The following OGDH variants were observed in gnomAD, a reference collection of about 807,000 sequenced individuals.
OGDH encodes 2-oxoglutarate dehydrogenase complex component E1.
Under a neutral mutation model 116.6 loss-of-function variants are expected in OGDH, and 38 were observed. That is an observed-to-expected ratio of 0.33 (90% CI 0.25 to 0.43). The LOEUF is 0.43. OGDH is among the 20% of genes least tolerant of loss of function. The pLI, the probability that OGDH is intolerant of heterozygous loss-of-function variation, is 1.00. For missense variants in OGDH, 825 were observed against 1,357.2 expected, an observed-to-expected ratio of 0.61 and a Z score of 6.16; for synonymous variants, 488 against 533.3, an observed-to-expected ratio of 0.92 and a Z score of 1.17.
chr7:44,641,288 C>G (rs73327393), intron 2 of OGDH, among the ~76,000 whole-genome samples: 13,589 of 130,598 alleles, frequency 0.1, 1,336 homozygotes, highest in East Asian at 0.41. Context: ...TACAATGGTG[C>G]GATCTCAGCT....
At chr7:44,637,462 A>G (rs942575021) in intron 2 of OGDH, among the ~76,000 whole-genome samples, 1 of 152,206 alleles carries the variant, frequency 6.6e-6, no homozygotes, top group Admixed American at 6.5e-5. Flanking sequence ...TATGCCACAT[A>G]TAGTTAATAG....
intron 1 of OGDH, among the ~76,000 whole-genome samples, chr7:44,623,705 G>C (rs1246465085): frequency 8.5e-6 from 1 of 117,532 alleles, no homozygotes; most frequent in Non-Finnish European, 2.1e-5. Context: ...GAGTGCAGTG[G>C]TGCAATCTCG....
chr7:44,658,506 A>G (rs1307485855), intron 4 of OGDH, among the ~76,000 whole-genome samples: 2 of 145,628 alleles, frequency 1.4e-5, no homozygotes, highest in Non-Finnish European at 3.0e-5. Context: ...CAGTCATGTC[A>G]TCTGAAAATA....
rs147915493 is a variant in OGDH, at chr7:44,664,223, G to A, written c.518-2513G>A. On this transcript the variant is annotated intron_variant, in intron 4 of 22. Transcript: ENST00000222673. ...GGAGGGCACCACCTTGTTATTGCCA[G>A]CAGAGGTGGAAGTCCTTCTCCCACT... is the stretch of plus-strand genomic sequence containing the variant. Among the ~76,000 whole-genome samples the A allele has an allele frequency of 1.6e-4, 24 of 152,320 alleles. No homozygotes were observed. The East Asian group carries it at 2.7e-3, about 17-fold the overall frequency.
intron 20 of OGDH, among the ~76,000 whole-genome samples, chr7:44,703,477 T>G (rs1788932772): frequency 6.6e-6 from 1 of 152,114 alleles, no homozygotes; most frequent in Admixed American, 6.6e-5. Context: ...CTCAGCACTT[T>G]GGGAGGCTGA....
intron 5 of OGDH, among the ~76,000 whole-genome samples, chr7:44,668,696 A>G (rs1192275436): frequency 2.0e-5 from 3 of 152,142 alleles, no homozygotes; most frequent in Non-Finnish European, 4.4e-5. Context: ...TGTCACCTTT[A>G]TCTGCACCCA....
chr7:44,651,647 C>T (rs530482723), intron 4 of OGDH, among the ~76,000 whole-genome samples: 6 of 152,216 alleles, frequency 3.9e-5, no homozygotes, highest in Middle Eastern at 3.4e-3. Context: ...CTGCACTCTC[C>T]GCCTCCCGGG....
At chr7:44,653,956 G>T (rs1786571774) in intron 4 of OGDH, among the ~76,000 whole-genome samples, 1 of 152,142 alleles carries the variant, frequency 6.6e-6, no homozygotes, top group Admixed American at 6.5e-5. Context: ...CCAGGTTCAA[G>T]CAATCCTCCT....
At chr7:44,705,288 G>A (rs1454460515) in intron 20 of OGDH, among the ~76,000 whole-genome samples, 4 of 149,460 alleles carry the variant, frequency 2.7e-5, no homozygotes, top group South Asian at 2.1e-4. Flanking sequence ...TCCTGACCTC[G>A]TGATCCGCCC....
chr7:44,671,010 C>CAAAAAAAAAAAAAA (rs111818473), intron 5 of OGDH, among the ~76,000 whole-genome samples: 3 of 68,506 alleles, frequency 4.4e-5, no homozygotes, highest in Admixed American at 1.6e-4. Context: ...GACTCCATCT[C>CAAAAAAAAAAAAAA]AAAAAAAAAA....
intron 10 of OGDH, among the ~76,000 whole-genome samples, chr7:44,685,076 G>A (rs776294745): frequency 7.2e-5 from 11 of 152,010 alleles, no homozygotes; most frequent in African/African-American, 2.2e-4. Flanking sequence ...ATGAGCCACC[G>A]CTCCTGGCCT....
intron 5 of OGDH, among the ~76,000 whole-genome samples, chr7:44,672,736 G>T (rs1256089771): frequency 6.7e-6 from 1 of 150,148 alleles, no homozygotes; most frequent in African/African-American, 2.5e-5. Context: ...TCCGCCTCCT[G>T]GGTTCAAGCG....
intron 2 of OGDH, among the ~76,000 whole-genome samples, chr7:44,637,133 T>TA (rs1287737565): frequency 1.3e-5 from 2 of 152,194 alleles, no homozygotes; most frequent in Non-Finnish European, 2.9e-5. Context: ...TAACCATCTG[T>TA]ACACCCTGCA....
intron 19 of OGDH, among the ~76,000 whole-genome samples, chr7:44,700,818 C>T (rs943505485): frequency 1.4e-4 from 21 of 152,244 alleles, no homozygotes; most frequent in African/African-American, 4.8e-4. Context: ...GGAGACCATC[C>T]TGGCTAGCAC....
At chr7:44,680,539 T>TACACACACACACACACACAC (rs56718274) in intron 9 of OGDH, among the ~76,000 whole-genome samples, 13 of 145,950 alleles carry the variant, frequency 8.9e-5, no homozygotes, top group African/African-American at 3.2e-4. Context: ...TTTTATTGCA[T>TACACACACACACACACACAC]ACACACACAC....
chr7:44,674,352 C>A lies in OGDH; in HGVS notation c.789-59C>A. On this transcript the variant is annotated intron_variant, in intron 6 of 22. Transcript: ENST00000222673. ...GAGCCTCCATGCCTGGCCAGAATCC[C>A]CTCTTTTTGGTCAGGAAGAGTGACA... 3.1e-6 allele frequency: 5 copies of A among 1,607,756 alleles called. No individual in the cohort carries two copies. The South Asian group carries it at 5.5e-5, about 18-fold the overall frequency.
intron 2 of OGDH, among the ~76,000 whole-genome samples, chr7:44,643,417 GAA>G (rs907405104): frequency 6.6e-6 from 1 of 151,174 alleles, no homozygotes; most frequent in Non-Finnish European, 1.5e-5. Context: ...AAAAGGGAAG[GAA>G]AAAAAAAGTA....
intron 1 of OGDH, among the ~76,000 whole-genome samples, chr7:44,621,113 A>G (rs970837977): frequency 1.2e-4 from 18 of 152,122 alleles, no homozygotes; most frequent in Non-Finnish European, 2.2e-4. Context: ...TCGCTCTGTC[A>G]CCCAGGCTGG....
chr7:44,696,893 G>T (rs979445945), intron 14 of OGDH, 21 bp from the exon 15 acceptor site: 1 of 1,591,848 alleles, frequency 6.3e-7, no homozygotes, highest in South Asian at 1.1e-5. Flanking sequence ...GCAGCAGCTG[G>T]TGAGAGCTGT....
Sources: gnomAD v4.1 joint callset for allele counts (sites outside exome capture counted in the v4.1 genomes callset) on GRCh38, gnomAD v4.1.1 for gene constraint, MANE v1.5 for transcripts, NCBI Gene and HGNC (gene_info 2026-07-23, HGNC 2026-07-21) for gene names.